ZFP57: variants seen among roughly 807,000 people sequenced by gnomAD.
ZFP57 encodes the protein zinc finger protein 57 homolog.
In ZFP57, 12 loss-of-function variants were observed where a neutral mutation model predicts 15.8. That is an observed-to-expected ratio of 0.76 (90% CI 0.49 to 1.23). The LOEUF (loss-of-function observed/expected upper bound fraction) is 1.23. Among genes scored for constraint, ZFP57 ranks in the 50% most tolerant of loss-of-function variants. The pLI is 0.00. For missense variants in ZFP57, 536 were observed against 654.9 expected, an observed-to-expected ratio of 0.82 and a Z score of 1.98; for synonymous variants, 203 against 242.3, an observed-to-expected ratio of 0.84 and a Z score of 1.51.
At chr6:29,675,151 CAAAAAAAAAA>C (rs11357168) in intron 4 of ZFP57, among the ~76,000 whole-genome samples, 2 of 81,952 alleles carry the variant, frequency 2.4e-5, no homozygotes, top group African/African-American at 9.8e-5. Context: ...GACTGTGTCT[CAAAAAAAAAA>C]AAAAAAAAAA....
intron 3 of ZFP57, 77 bp from the exon 4 acceptor site, chr6:29,675,564 CCTCCT>C: frequency 8.8e-6 from 10 of 1,139,582 alleles, no homozygotes; most frequent in South Asian, 2.5e-5. Flanking sequence ...CAACAGGCTA[CCTCCT>C]GTAGCCTTTG....
Position 29,677,063 on chromosome 6 carries a change from G to A in ZFP57, c.-60C>T. 1 of 1,612,858 alleles carries A rather than the reference G, an allele frequency of 6.2e-7. No homozygotes were observed. Among genetic ancestry groups the A allele is most frequent in the Middle Eastern group, 1.7e-4 (1 of 6,060 alleles). ...CACTCCTGGCCTGGTGCCCAGGCCT[G>A]ACTGGATTCCTTCCTGGGGCTATCT... On this transcript the variant is annotated 5_prime_UTR_variant, in exon 2 of 5. Coordinates refer to ENST00000376883, the MANE Select transcript of ZFP57 (RefSeq NM_001109809.5).
In ZFP57 at chr6:29,673,389, C is replaced by G; in HGVS notation, c.722G>C (p.Cys241Ser). 6.2e-7 allele frequency: 1 copy of G among 1,613,080 alleles called. No individual in the cohort carries two copies. Among genetic ancestry groups the G allele is most frequent in the Non-Finnish European group, 8.5e-7 (1 of 1,180,038 alleles). Reference sequence around the variant, plus strand: ...GTGACGACTTAGTCCAGAAGCATCACAGTAGGTCTTGTCACAGAGCGTGCA... The same window carrying G: ...GTGACGACTTAGTCCAGAAGCATCAGAGTAGGTCTTGTCACAGAGCGTGCA... ...FCCTLCDKTY[C>S]DASGLSRHRR... Residue 241 changes from cysteine to serine, a missense_variant, in exon 5 of 5, where the codon TGT becomes TCT. Coordinates refer to ENST00000376883, the MANE Select transcript of ZFP57 (RefSeq NM_001109809.5). The surrounding 1 kb of genome is among the most constrained non-coding windows in gnomAD (Gnocchi z 4.7).
chr6:29,680,982 A>C (rs1459458378), intron 1 of ZFP57, 80 bp downstream of exon 1: 1 of 152,274 alleles, frequency 6.6e-6, no homozygotes, highest in Non-Finnish European at 1.5e-5. Flanking sequence ...TGGCCTGCGG[A>C]AGAGTCAGAG....
In ZFP57 at chr6:29,676,933, G is replaced by A. The variant is rs768553621; in HGVS notation, c.71C>T (p.Thr24Ile). Residue 24 changes from threonine (T) to isoleucine (I), a missense_variant, in exon 2 of 5, where the codon ACC becomes ATC. Coordinates refer to ENST00000376883, the MANE Select transcript of ZFP57 (RefSeq NM_001109809.5). ...TLPWVGEVAA[T>I]LQEAMKRDCW... ...ATCTCTCTTCATGGCTTCCTGCAGG[G>A]TGGCAGCTACCTCGCCCACCCATGG... is the stretch of plus-strand genomic sequence containing the variant. The A allele has an allele frequency of 3.7e-6, 6 of 1,614,190 alleles. No homozygotes were observed. Among genetic ancestry groups the A allele is most frequent in the Middle Eastern group, 3.3e-4 (2 of 6,062 alleles).
intron 2 of ZFP57, 128 bp downstream of exon 2, chr6:29,676,753 C>A: frequency 7.8e-7 from 1 of 1,288,770 alleles, no homozygotes; most frequent in Non-Finnish European, 1.1e-6. Context: ...CTTGCAGCTC[C>A]TTTTTCTGGA....
chr6:29,677,312 A>T lies in ZFP57; in HGVS notation c.-309T>A. ...GCTCACCAGCTGCCATTGTTTAGTA[A>T]CAACACCAGCCTGGGCTAGGTGTCT... On this transcript the variant is annotated 5_prime_UTR_variant, in exon 2 of 5. Coordinates refer to ENST00000376883, the MANE Select transcript of ZFP57 (RefSeq NM_001109809.5). 1 of 458,238 alleles carries T rather than the reference A, an allele frequency of 2.2e-6. No homozygotes were observed. The highest frequency in any genetic ancestry group is 2.2e-5 in the South Asian group (1 of 45,894). The allele number at this position is 458,238 out of a possible 1,614,324, so 28.4% of individuals were successfully genotyped here.
chr6:29,676,096 A>ATGTGTGTGTGTGTGTGTG (rs748153324), intron 2 of ZFP57, 37 bp from the exon 3 acceptor site: 10 of 1,066,754 alleles, frequency 9.4e-6, no homozygotes, highest in Admixed American at 2.5e-5. Flanking sequence ...GTTTATATAA[A>ATGTGTGTGTGTGTGTGTG]TATATATGTG....
chr6:29,680,864 G>A (rs1772309968), intron 1 of ZFP57, among the ~76,000 whole-genome samples, 198 bp downstream of exon 1: 1 of 152,014 alleles, frequency 6.6e-6, no homozygotes, highest in South Asian at 2.1e-4. Context: ...AATCCCCAGA[G>A]TGCCCACAGT....
chr6:29,676,100 A>ATGTGTGTGTGTGTG (rs764770421), intron 2 of ZFP57, 41 bp from the exon 3 acceptor site: 8 of 1,320,616 alleles, frequency 6.1e-6, no homozygotes, highest in Non-Finnish European at 7.5e-6. Flanking sequence ...ATATAAATAT[A>ATGTGTGTGTGTGTG]TATGTGTGTG....
Position 29,673,367 on chromosome 6 carries a change from A to G in ZFP57, c.744T>C (p.Arg248=). ...KTYCDASGLS[R]HRRVHLGYRP... is the part of the protein sequence containing the mutation. ...GGTAACCCAGATGGACGCGGCGGTGACGACTTAGTCCAGAAGCATCACAGT... is the reference window on the plus strand; with the variant it reads ...GGTAACCCAGATGGACGCGGCGGTGGCGACTTAGTCCAGAAGCATCACAGT... The change falls in exon 5 of 5, where the codon CGT becomes CGC. Residue 248 remains arginine (R), a synonymous_variant. Transcript: ENST00000376883. This position sits in a 1 kb window ranked among gnomAD's most constrained non-coding sequence, Gnocchi z 4.7. 1 of 1,613,054 alleles carries G rather than the reference A, an allele frequency of 6.2e-7. No individual in the cohort carries two copies. Among genetic ancestry groups the G allele is most frequent in the Non-Finnish European group, 8.5e-7 (1 of 1,180,046 alleles).
In ZFP57 at chr6:29,673,500, C is replaced by A. The variant is rs747717587; in HGVS notation, c.611G>T (p.Ser204Ile). 6.2e-7 allele frequency: 1 copy of A among 1,613,112 alleles called. No individual in the cohort carries two copies. The highest frequency in any genetic ancestry group is 8.5e-7 in the Non-Finnish European group (1 of 1,180,050). ...QFVHNPKLTN[S>I]CSQCGKLFRS... is the part of the protein sequence containing the mutation. ...AAACAACTTCCCACACTGACTGCAG[C>A]TGTTAGTCAGCTTGGGATTGTGAAC... is the stretch of plus-strand genomic sequence containing the variant. The change falls in exon 5 of 5, where the codon AGC becomes ATC. Residue 204 changes from serine to isoleucine, a missense_variant. By Grantham distance (142) the Ser-to-Ile change is moderately radical. Coordinates refer to ENST00000376883, the MANE Select transcript of ZFP57 (RefSeq NM_001109809.5). The surrounding 1 kb of genome is among the most constrained non-coding windows in gnomAD (Gnocchi z 4.7).
In ZFP57 at chr6:29,676,970, G is replaced by A. The variant is rs753497424; in HGVS notation, c.34C>T (p.Gln12Ter). The A allele has an allele frequency of 7.4e-6, 12 of 1,614,084 alleles. No individual in the cohort carries two copies. The highest frequency in any genetic ancestry group is 9.3e-6 in the Non-Finnish European group (11 of 1,180,028). ...FEQLKPIEPV[Q>*]KTLPWVGEVA... ...TCGCCCACCCATGGGAGCGTCTTCT[G>A]TACAGGTTCGATTGGCTTCAGCTGT... Residue 12 changes from glutamine to a stop codon, truncating the protein, a stop_gained, in exon 2 of 5, where the codon CAG (glutamine) becomes TAG (stop). Coordinates refer to ENST00000376883, the MANE Select transcript of ZFP57 (RefSeq NM_001109809.5). LOFTEE classifies it high-confidence loss of function.
rs758437381 is a variant in ZFP57, at chr6:29,679,886, A to AAAAC, written c.-364+1172_-364+1175dup. 3.6e-3 allele frequency among the ~76,000 whole-genome samples: 540 copies of AAAAC among 149,040 alleles called. 3 individuals are homozygous for AAAAC. Among genetic ancestry groups the AAAAC allele is most frequent in the Middle Eastern group, 0.01 (3 of 292 alleles). On this transcript the variant is annotated intron_variant, in intron 1 of 4. Coordinates refer to ENST00000376883, the MANE Select transcript of ZFP57 (RefSeq NM_001109809.5). Reference sequence around the variant, plus strand: ...GAAATGAGAGTGAAACTCCGTCTCAAAAACAAACAAACAAACAAACAAACA... The same window carrying AAAAC: ...GAAATGAGAGTGAAACTCCGTCTCAAAAACAAACAAACAAACAAACAAACAAACA...
chr6:29,672,956 AC>A lies in ZFP57; in HGVS notation c.1154del (p.Cys385PhefsTer7), dbSNP rs1403442926. On this transcript the variant is annotated frameshift_variant, in exon 5 of 5. Coordinates refer to ENST00000376883, the MANE Select transcript of ZFP57 (RefSeq NM_001109809.5). LOFTEE classifies it low-confidence loss of function (END_TRUNC). The part of the protein sequence containing the change: ...PVKPSRLNVF[C>X]CPHCSLTFSK... ...TAAAAGTCAAAGAACAATGGGGGCA[AC>A]AGAAGACATTGAGTCTTGAGGGCTT... 13 of 1,613,066 alleles carry A rather than the reference AC, an allele frequency of 8.1e-6. No individual in the cohort carries two copies. The highest frequency in any genetic ancestry group is 1.1e-5 in the Non-Finnish European group (13 of 1,180,030).
chr6:29,677,623 T>G (rs1176889081), intron 1 of ZFP57, among the ~76,000 whole-genome samples: 1 of 152,212 alleles, frequency 6.6e-6, no homozygotes, highest in Admixed American at 6.5e-5. Flanking sequence ...CTCAGTACCA[T>G]TGGAAATCAT....
In ZFP57 at chr6:29,673,727, ATGT is replaced by A; in HGVS notation, c.381_383del (p.Gln127del). The A allele has an allele frequency of 6.2e-7, 1 of 1,613,070 alleles. No homozygotes were observed. The highest frequency in any genetic ancestry group is 1.1e-5 in the South Asian group (1 of 91,088). On this transcript the variant is annotated inframe_deletion, in exon 5 of 5. Transcript: ENST00000376883. This position sits in a 1 kb window ranked among gnomAD's most constrained non-coding sequence, Gnocchi z 4.7. ...TAGTCCCCTCATCTCTCAGACTGGG[ATGT>A]TGTTCTCGAAGCTCTTTCTTCTTGC...
At chr6:29,674,269 A>G (rs1488432213) in intron 4 of ZFP57, among the ~76,000 whole-genome samples, 3 of 152,178 alleles carry the variant, frequency 2.0e-5, no homozygotes, top group African/African-American at 4.8e-5. Context: ...AAGAACTCCA[A>G]CACAGCACTC....
At position 29,675,167 on chromosome 6, in the gene ZFP57, A is replaced by G. The variant is rs1374100326; in HGVS notation, c.352+219T>C. 6.4e-3 allele frequency among the ~76,000 whole-genome samples: 903 copies of G among 141,976 alleles called. 9 individuals carry two copies. Among genetic ancestry groups the G allele is most frequent in the Admixed American group, 0.013 (175 of 13,830 alleles). The allele number at this position is 141,976 out of a possible 152,430, so 93.1% of individuals were successfully genotyped here. A position where few individuals can be genotyped will look rare whatever the true frequency, so the allele number is the denominator to read the frequency against. ...ACTGTGTCTCAAAAAAAAAAAAAAA[A>G]AAAAAAAGAGAGAGAGAGAGAGACT... On this transcript the variant is annotated intron_variant, in intron 4 of 4. Transcript: ENST00000376883.
Sources: allele counts gnomAD v4.1 joint callset (sites outside exome capture counted in the v4.1 genomes callset), GRCh38; gene constraint gnomAD v4.1.1; non-coding constraint Gnocchi (gnomAD v3.1); transcripts MANE v1.5; gene names NCBI Gene and HGNC (gene_info 2026-07-23, HGNC 2026-07-21).